TBXAS1: variants seen among roughly 807,000 people sequenced by gnomAD.
The protein encoded by TBXAS1 is thromboxane-A synthase.
A neutral mutation model predicts 60.7 loss-of-function variants in TBXAS1; 48 were observed. The ratio of observed to expected loss-of-function variants is 0.79; its 90% CI spans 0.63 to 1.01. The LOEUF (loss-of-function observed/expected upper bound fraction) is 1.01. Among genes scored for constraint, TBXAS1 ranks in the 50% least tolerant of loss-of-function variants. The pLI is 0.00. For missense variants in TBXAS1, 685 were observed against 686.3 expected, an observed-to-expected ratio of 1.00 and a Z score of 0.02; for synonymous variants, 287 against 269.7, an observed-to-expected ratio of 1.06 and a Z score of -0.63.
At chr7:139,828,699 G>A (rs1798518319), upstream of TBXAS1, among the ~76,000 whole-genome samples, 2 of 152,110 alleles carry the variant, frequency 1.3e-5, no homozygotes, top group East Asian at 1.9e-4. Flanking sequence ...ATGAGCCTAC[G>A]GATCTGCCTT....
chr7:139,915,177 T>A (rs1013412059), intron 4 of TBXAS1, among the ~76,000 whole-genome samples: 2 of 152,288 alleles, frequency 1.3e-5, no homozygotes, highest in African/African-American at 4.8e-5. Context: ...CTCAATTTTT[T>A]AAAAAACAGT....
chr7:139,966,111 G>A (rs959691415), intron 9 of TBXAS1, among the ~76,000 whole-genome samples: 2 of 152,164 alleles, frequency 1.3e-5, no homozygotes, highest in Non-Finnish European at 2.9e-5. Context: ...CCCTACGCAC[G>A]AGGGTGTTCT....
At chr7:139,877,905 C>T (rs76755820) in intron 3 of TBXAS1, among the ~76,000 whole-genome samples, 2,321 of 152,154 alleles carry the variant, frequency 0.015, 34 homozygotes, top group African/African-American at 0.033. Flanking sequence ...TCTCATATGC[C>T]TCTGAGACAC....
intron 9 of TBXAS1, among the ~76,000 whole-genome samples, chr7:139,994,608 G>A (rs532959206): frequency 8.0e-5 from 12 of 150,744 alleles, no homozygotes; most frequent in Non-Finnish European, 1.6e-4. Flanking sequence ...AGGATGAGCT[G>A]GAAAAAAAGA....
intron 9 of TBXAS1, among the ~76,000 whole-genome samples, chr7:139,984,080 G>A (rs1244591486): frequency 6.6e-6 from 1 of 152,148 alleles, no homozygotes; most frequent in Non-Finnish European, 1.5e-5. Context: ...GGGTATGGAC[G>A]TTGGGCCCAC....
chr7:139,957,925 GA>G (rs1311812848), intron 8 of TBXAS1, among the ~76,000 whole-genome samples, 161 bp downstream of exon 8: 1 of 152,082 alleles, frequency 6.6e-6, no homozygotes, highest in East Asian at 1.9e-4. Context: ...GAGAACAGAG[GA>G]AGGTTGAGGA....
chr7:139,950,462 G>A (rs1295040307), intron 5 of TBXAS1, among the ~76,000 whole-genome samples: 1 of 152,162 alleles, frequency 6.6e-6, no homozygotes, highest in Non-Finnish European at 1.5e-5. Flanking sequence ...CTCCCTCCAT[G>A]AGCCTTGGCA....
intron 1 of TBXAS1, among the ~76,000 whole-genome samples, chr7:139,866,696 T>C (rs923329945): frequency 6.6e-6 from 1 of 151,732 alleles, no homozygotes; most frequent in African/African-American, 2.4e-5. Flanking sequence ...AGGTAGAGGC[T>C]ACGGTGAGCT....
intron 8 of TBXAS1, among the ~76,000 whole-genome samples, chr7:139,960,685 G>A (rs985144452): frequency 7.9e-5 from 12 of 151,168 alleles, no homozygotes; most frequent in Admixed American, 5.9e-4. Flanking sequence ...GGTGGAGGTT[G>A]CAGTGAGCCA....
chr7:139,811,262 T>C (rs564897361), intron 4 of TBXAS1, among the ~76,000 whole-genome samples: 1 of 152,366 alleles, frequency 6.6e-6, no homozygotes, highest in Non-Finnish European at 1.5e-5. Context: ...CACTTGATAA[T>C]GGGTCACATT....
chr7:139,957,250 A>G (rs76511763), intron 7 of TBXAS1, among the ~76,000 whole-genome samples: 15,495 of 152,302 alleles, frequency 0.1, 905 homozygotes, highest in Middle Eastern at 0.14. Context: ...AAAGTAAATC[A>G]GCTTCTACCA....
At chr7:139,930,553 A>G (rs1204714741) in intron 4 of TBXAS1, among the ~76,000 whole-genome samples, 1 of 152,200 alleles carries the variant, frequency 6.6e-6, no homozygotes, top group Non-Finnish European at 1.5e-5. Context: ...AATGTTCTTA[A>G]CCACTGCATT....
At position 139,835,128 on chromosome 7, in the gene TBXAS1, G is replaced by A. The variant is rs552714870; in HGVS notation, c.89+5649G>A. 3.3e-4 allele frequency among the ~76,000 whole-genome samples: 49 copies of A among 150,012 alleles called. 1 individual carries two copies. The East Asian group carries it at 5.9e-3, about 18-fold the overall frequency. ...GTCGCCCAGGCTGGAGTGCAGTGGCGCGATCTCGGCTCACTGCAAGCTCTG... is the reference window on the plus strand; with the variant it reads ...GTCGCCCAGGCTGGAGTGCAGTGGCACGATCTCGGCTCACTGCAAGCTCTG... On this transcript the variant is annotated intron_variant, in intron 1 of 12. Transcript: ENST00000448866.
intron 8 of TBXAS1, among the ~76,000 whole-genome samples, chr7:139,960,006 C>T (rs1331370899): frequency 6.6e-6 from 1 of 152,170 alleles, no homozygotes; most frequent in East Asian, 1.9e-4. Flanking sequence ...GAAAGCCAGC[C>T]CTTGAGGATG....
At chr7:139,945,330 G>C (rs764505441) in intron 5 of TBXAS1, among the ~76,000 whole-genome samples, 1 of 152,218 alleles carries the variant, frequency 6.6e-6, no homozygotes, top group African/African-American at 2.4e-5. Context: ...TTCATTTAGG[G>C]ATGAGGACCC....
intron 1 of TBXAS1, among the ~76,000 whole-genome samples, chr7:139,854,215 T>C (rs1048474477): frequency 6.6e-6 from 1 of 152,060 alleles, no homozygotes; most frequent in Non-Finnish European, 1.5e-5. Flanking sequence ...TCCTTTGTCT[T>C]GGCCCTAGAG....
intron 1 of TBXAS1, among the ~76,000 whole-genome samples, chr7:139,844,179 A>G (rs1404925268): frequency 1.3e-5 from 2 of 152,186 alleles, no homozygotes; most frequent in Admixed American, 6.5e-5. Context: ...TAGAGCACTC[A>G]AAGTCTGAGT....
intron 4 of TBXAS1, among the ~76,000 whole-genome samples, chr7:139,791,923 TGAA>T (rs1797397288): frequency 6.6e-6 from 1 of 151,658 alleles, no homozygotes; most frequent in Non-Finnish European, 1.5e-5. Context: ...AAAAAAGAAG[TGAA>T]GAAGAATGTG....
intron 4 of TBXAS1, among the ~76,000 whole-genome samples, chr7:139,791,010 T>A (rs148317170): frequency 0.033 from 5,063 of 152,186 alleles, 277 homozygotes; most frequent in African/African-American, 0.12. Flanking sequence ...CACCATGTTG[T>A]CCATGCTGGT....
Sources: gnomAD v4.1 joint callset for allele counts (sites outside exome capture counted in the v4.1 genomes callset) on GRCh38, gnomAD v4.1.1 for gene constraint, MANE v1.5 for transcripts, NCBI Gene and HGNC (gene_info 2026-07-23, HGNC 2026-07-21) for gene names.